ZDHHC13: variants seen among roughly 807,000 people sequenced by gnomAD.
The protein encoded by ZDHHC13 is zDHHC palmitoyltransferase 13, also known as palmitoyltransferase ZDHHC13.
In ZDHHC13, 85 loss-of-function variants were observed where a neutral mutation model predicts 86.0. The observed-to-expected ratio is 0.99, with a 90% CI of 0.83 to 1.18. The LOEUF is 1.18. Among genes scored for constraint, ZDHHC13 ranks in the 50% most tolerant of loss-of-function variants. ZDHHC13 has a pLI of 0.00. For missense variants in ZDHHC13, 711 were observed against 730.2 expected, an observed-to-expected ratio of 0.97 and a Z score of 0.30; for synonymous variants, 263 against 246.4, an observed-to-expected ratio of 1.07 and a Z score of -0.63.
At chr11:19,158,274 T>A (rs1849812768) in intron 9 of ZDHHC13, among the ~76,000 whole-genome samples, 2 of 152,294 alleles carry the variant, frequency 1.3e-5, no homozygotes, top group South Asian at 4.1e-4. Flanking sequence ...ATGCATAAGA[T>A]GACTGTGGTG....
At chr11:19,142,936 A>G in intron 1 of ZDHHC13, 42 bp from the exon 2 acceptor site, 2 of 1,545,528 alleles carry the variant, frequency 1.3e-6, no homozygotes, top group Admixed American at 2.0e-5. Context: ...TGAGTGTGAC[A>G]TTAATTCTCT....
At chr11:19,131,088 G>A (rs1163771751) in intron 1 of ZDHHC13, among the ~76,000 whole-genome samples, 2 of 152,148 alleles carry the variant, frequency 1.3e-5, no homozygotes, top group East Asian at 3.9e-4. Flanking sequence ...GCGCGATCTC[G>A]GCTCACTGCA....
At chr11:19,122,256 G>T (rs1216182998) in intron 1 of ZDHHC13, among the ~76,000 whole-genome samples, 3 of 152,152 alleles carry the variant, frequency 2.0e-5, no homozygotes, top group Admixed American at 6.6e-5. Context: ...ATTAAAGATG[G>T]TGGTTATAAA....
chr11:19,171,154 C>T (rs1272562020), intron 15 of ZDHHC13, among the ~76,000 whole-genome samples: 1 of 152,212 alleles, frequency 6.6e-6, no homozygotes, highest in Non-Finnish European at 1.5e-5. Flanking sequence ...ATAGTAATTA[C>T]ATTTTCAGAG....
At chr11:19,166,471 G>C (rs1850072742) in intron 14 of ZDHHC13, 86 bp downstream of exon 14, 1 of 1,086,492 alleles carries the variant, frequency 9.2e-7, no homozygotes. Context: ...TCACATTCTG[G>C]CTGGGTGACT....
chr11:19,137,172 A>C (rs1280314006), intron 1 of ZDHHC13, among the ~76,000 whole-genome samples: 1 of 152,180 alleles, frequency 6.6e-6, no homozygotes, highest in Non-Finnish European at 1.5e-5. Flanking sequence ...CAGGAAACCC[A>C]TCTCATGTGC....
chr11:19,123,970 G>C (rs537813422), intron 1 of ZDHHC13, among the ~76,000 whole-genome samples: 2 of 152,144 alleles, frequency 1.3e-5, no homozygotes, highest in Non-Finnish European at 2.9e-5. Flanking sequence ...GAATTGGGGA[G>C]AGTATTTGGT....
At chr11:19,163,208 G>A (rs1456402418) in intron 10 of ZDHHC13, 95 bp from the exon 11 acceptor site, 28 of 1,332,928 alleles carry the variant, frequency 2.1e-5, no homozygotes, top group Middle Eastern at 2.7e-4. Context: ...GCATAAGGAA[G>A]GTGAGATTCT....
Position 19,176,083 on chromosome 11 carries a change from G to A in ZDHHC13, c.*123G>A, listed in dbSNP as rs1401807919. On this transcript the variant is annotated 3_prime_UTR_variant, in exon 17 of 17. Coordinates refer to ENST00000446113, the MANE Select transcript of ZDHHC13 (RefSeq NM_019028.3). ...CAAAGGAAAACACGTGGTTTTTAAA[G>A]CCATTAGGTAAAAAAAGTTCTCAAT... 5 of 1,142,696 alleles carry A rather than the reference G, an allele frequency of 4.4e-6. No individual in the cohort carries two copies. Among genetic ancestry groups the A allele is most frequent in the Non-Finnish European group, 5.8e-6 (5 of 860,122 alleles). The allele number at this position is 1,142,696 out of a possible 1,614,324, so 70.8% of individuals were successfully genotyped here. A position where few individuals can be genotyped will look rare whatever the true frequency, so the allele number is the denominator to read the frequency against.
At chr11:19,123,870 G>T (rs1848810433) in intron 1 of ZDHHC13, among the ~76,000 whole-genome samples, 1 of 152,158 alleles carries the variant, frequency 6.6e-6, no homozygotes, top group South Asian at 2.1e-4. Flanking sequence ...AGCCATCAAA[G>T]TGTCAAGGTT....
chr11:19,144,837 C>T (rs944208161), intron 2 of ZDHHC13, among the ~76,000 whole-genome samples: 4 of 152,220 alleles, frequency 2.6e-5, no homozygotes, highest in Middle Eastern at 3.4e-3. Flanking sequence ...GCTAATAGGC[C>T]GGGTGTGGTG....
intron 1 of ZDHHC13, among the ~76,000 whole-genome samples, chr11:19,123,899 T>C (rs1848811447): frequency 6.6e-6 from 1 of 152,144 alleles, no homozygotes; most frequent in South Asian, 2.1e-4. Context: ...ATTGATAATA[T>C]TCAGTTCTGG....
At chr11:19,175,291 G>A (rs1850329000) in intron 16 of ZDHHC13, among the ~76,000 whole-genome samples, 1 of 150,044 alleles carries the variant, frequency 6.7e-6, no homozygotes, top group Admixed American at 6.7e-5. Context: ...TCAGGAGGCT[G>A]AGGCAGGAGA....
intron 16 of ZDHHC13, among the ~76,000 whole-genome samples, chr11:19,174,363 TCTAA>T (rs1850303211): frequency 6.6e-6 from 1 of 152,206 alleles, no homozygotes; most frequent in Non-Finnish European, 1.5e-5. Context: ...GGGACACTAC[TCTAA>T]CTAGCTTTTG....
At chr11:19,138,244 C>T (rs1248067056) in intron 1 of ZDHHC13, among the ~76,000 whole-genome samples, 3 of 151,480 alleles carry the variant, frequency 2.0e-5, no homozygotes, top group African/African-American at 7.3e-5. Flanking sequence ...ACCACCAATC[C>T]CACAGAAATA....
At chr11:19,152,718 A>G in intron 8 of ZDHHC13, 34 bp downstream of exon 8, 1 of 1,611,126 alleles carries the variant, frequency 6.2e-7, no homozygotes, top group Non-Finnish European at 8.5e-7. Flanking sequence ...TATGGGATAG[A>G]TGACTTTTTT....
At chr11:19,165,189 A>C in intron 13 of ZDHHC13, 44 bp downstream of exon 13, 1 of 1,555,738 alleles carries the variant, frequency 6.4e-7, no homozygotes. Context: ...AGTTAAGCAT[A>C]TGTTTAGTTA....
At chr11:19,166,950 G>A (rs973178902) in intron 14 of ZDHHC13, 2 of 152,370 alleles carry the variant, frequency 1.3e-5, no homozygotes, top group African/African-American at 4.8e-5. Context: ...GTTTAAAAAA[G>A]TATATAGGGG....
intron 1 of ZDHHC13, among the ~76,000 whole-genome samples, chr11:19,141,878 C>G (rs1256405654): frequency 6.6e-6 from 1 of 152,090 alleles, no homozygotes; most frequent in African/African-American, 2.4e-5. Flanking sequence ...GCTAGTGGGA[C>G]TATCTTGGCA....
Sources: allele counts gnomAD v4.1 joint callset (sites outside exome capture counted in the v4.1 genomes callset), GRCh38; gene constraint gnomAD v4.1.1; transcripts MANE v1.5; gene names NCBI Gene and HGNC (gene_info 2026-07-23, HGNC 2026-07-21).